USP43: variants seen among roughly 807,000 people sequenced by gnomAD.
USP43 encodes the protein ubiquitin specific peptidase 43.
A neutral mutation model predicts 90.7 loss-of-function variants in USP43; 33 were observed. That is an observed-to-expected ratio of 0.36 (90% CI 0.28 to 0.49). The LOEUF (loss-of-function observed/expected upper bound fraction) is 0.49, where lower values mean the gene tolerates loss of function less well. Ranked by LOEUF, USP43 falls within the 20% of genes least tolerant of loss-of-function variation. The probability of loss-of-function intolerance (pLI) is 0.98; values close to 1 mark genes in which losing one functional copy is unlikely to be tolerated. For missense variants in USP43, 1,274 were observed against 1,476.4 expected, an observed-to-expected ratio of 0.86 and a Z score of 2.25; for synonymous variants, 598 against 615.8, an observed-to-expected ratio of 0.97 and a Z score of 0.43.
intron 9 of USP43, among the ~76,000 whole-genome samples, chr17:9,694,146 C>T (rs1915120546): frequency 6.6e-6 from 1 of 152,196 alleles, no homozygotes; most frequent in East Asian, 1.9e-4. Context: ...CCCATAGACC[C>T]CCAGGTTCTC....
At chr17:9,681,462 T>TTATATATATATATATATATATATATA (rs1184883523) in intron 6 of USP43, among the ~76,000 whole-genome samples, 1 of 18,578 alleles carries the variant, frequency 5.4e-5, no homozygotes, top group African/African-American at 2.6e-4. Flanking sequence ...ATAAAATATA[T>TTATATATATATATATATATATATATA]TATATATATA....
intron 4 of USP43, among the ~76,000 whole-genome samples, chr17:9,676,314 G>A (rs993703029): frequency 8.5e-5 from 13 of 152,170 alleles, no homozygotes; most frequent in African/African-American, 2.9e-4. Flanking sequence ...ACCAAGTACA[G>A]GGACACAACC....
chr17:9,707,938 A>C (rs1047457385), intron 12 of USP43, among the ~76,000 whole-genome samples: 3 of 152,230 alleles, frequency 2.0e-5, no homozygotes, highest in African/African-American at 7.2e-5. Context: ...TTATCATTTT[A>C]GCACTTTCAC....
intron 6 of USP43, among the ~76,000 whole-genome samples, chr17:9,681,111 T>C (rs866469085): frequency 2.5e-5 from 2 of 79,432 alleles, no homozygotes; most frequent in African/African-American, 1.3e-4. Context: ...TACTATATAA[T>C]ATATACTATA....
intron 8 of USP43, among the ~76,000 whole-genome samples, chr17:9,687,832 A>G (rs1179993541): frequency 1.3e-5 from 2 of 152,184 alleles, no homozygotes; most frequent in African/African-American, 4.8e-5. Context: ...TTTATCTCTA[A>G]AGGATTTTGT....
chr17:9,724,010 G>A (rs765695245), intron 14 of USP43, among the ~76,000 whole-genome samples: 3 of 152,210 alleles, frequency 2.0e-5, no homozygotes, highest in Non-Finnish European at 2.9e-5. Context: ...AAGCTGTCAC[G>A]TTTCATCTGT....
chr17:9,691,688 T>C (rs1181939865), intron 8 of USP43, among the ~76,000 whole-genome samples: 1 of 152,108 alleles, frequency 6.6e-6, no homozygotes, highest in Non-Finnish European at 1.5e-5. Context: ...CATTTTATGT[T>C]CCCACCAGCA....
intron 1 of USP43, among the ~76,000 whole-genome samples, chr17:9,648,286 A>G (rs1465112061): frequency 6.6e-6 from 1 of 152,210 alleles, no homozygotes; most frequent in Admixed American, 6.5e-5. Context: ...ATGGATTGAA[A>G]TCTAGGTGAG....
At chr17:9,653,787 C>T (rs1345218146) in intron 1 of USP43, among the ~76,000 whole-genome samples, 1 of 152,094 alleles carries the variant, frequency 6.6e-6, no homozygotes, top group African/African-American at 2.4e-5. Flanking sequence ...TGACAATATT[C>T]AGCTGAGCTA....
chr17:9,726,355 G>A (rs1917271338), intron 14 of USP43, among the ~76,000 whole-genome samples: 1 of 152,102 alleles, frequency 6.6e-6, no homozygotes, highest in Non-Finnish European at 1.5e-5. Context: ...CAGGAGTTCT[G>A]CTCCCTTTTG....
intron 9 of USP43, among the ~76,000 whole-genome samples, chr17:9,699,313 G>T (rs1251979587): frequency 7.7e-6 from 1 of 130,052 alleles, no homozygotes; most frequent in African/African-American, 3.4e-5. Flanking sequence ...GGGCTCCCTG[G>T]GCTGGGAGAA....
intron 14 of USP43, among the ~76,000 whole-genome samples, chr17:9,712,563 C>T (rs781489920): frequency 3.3e-5 from 5 of 152,088 alleles, no homozygotes; most frequent in Non-Finnish European, 7.4e-5. Context: ...GTGTAGAAGC[C>T]TAGGGCTATG....
At chr17:9,681,192 A>ATATAT (rs1914188450) in intron 6 of USP43, among the ~76,000 whole-genome samples, 5 of 68,570 alleles carry the variant, frequency 7.3e-5, no homozygotes, top group African/African-American at 1.6e-4. Flanking sequence ...ATACTATATA[A>ATATAT]TATATACTAT....
Position 9,701,267 on chromosome 17 carries a change from C to A in USP43, c.1662+22C>A, listed in dbSNP as rs368172346. On this transcript the variant is annotated intron_variant, in intron 11 of 14. Transcript: ENST00000285199. This position sits in a 1 kb window ranked among gnomAD's most constrained non-coding sequence, Gnocchi z 7.2. The stretch of plus-strand genomic sequence containing the variant: ...GCAGGTCCCGCCCTGGGGGTCCATG[C>A]CCCGGCCGGGAAGGGGGCTGGCTGC... 204 of 1,602,278 alleles carry A rather than the reference C, an allele frequency of 1.3e-4. No homozygotes were observed. Among genetic ancestry groups the A allele is most frequent in the African/African-American group, 2.1e-4 (16 of 74,746 alleles).
intron 6 of USP43, among the ~76,000 whole-genome samples, chr17:9,682,411 T>C (rs902050551): frequency 6.6e-4 from 101 of 151,980 alleles, no homozygotes; most frequent in African/African-American, 2.3e-3. Context: ...CTACTAAGAA[T>C]ACAAAAAAAT....
At chr17:9,695,668 C>T (rs1192701490) in intron 9 of USP43, among the ~76,000 whole-genome samples, 1 of 152,130 alleles carries the variant, frequency 6.6e-6, no homozygotes, top group African/African-American at 2.4e-5. Flanking sequence ...GTGTACAGTT[C>T]AGTGGGATTG....
At chr17:9,680,408 GT>G in intron 6 of USP43, 42 bp downstream of exon 6, 1 of 1,606,968 alleles carries the variant, frequency 6.2e-7, no homozygotes, top group Non-Finnish European at 8.5e-7. Flanking sequence ...GCTATGATGA[GT>G]TACAGGTTTC....
chr17:9,690,253 A>C (rs1248228564), intron 8 of USP43, among the ~76,000 whole-genome samples: 1 of 152,184 alleles, frequency 6.6e-6, no homozygotes, highest in Non-Finnish European at 1.5e-5. Flanking sequence ...CTCATAATTC[A>C]ACCTAGGTTT....
intron 3 of USP43, among the ~76,000 whole-genome samples, chr17:9,672,879 C>T (rs1030285286): frequency 6.6e-6 from 1 of 152,200 alleles, no homozygotes; most frequent in African/African-American, 2.4e-5. Flanking sequence ...GCGACACTCT[C>T]CTGTTTATGT....
Sources: allele counts gnomAD v4.1 joint callset (sites outside exome capture counted in the v4.1 genomes callset), GRCh38; gene constraint gnomAD v4.1.1; non-coding constraint Gnocchi (gnomAD v3.1); transcripts MANE v1.5; gene names NCBI Gene and HGNC (gene_info 2026-07-23, HGNC 2026-07-21).